Variants in BCLAF3 observed in about 807,000 individuals in gnomAD.
BCLAF3 encodes BCLAF1 and THRAP3 family member 3.
BCLAF3 carries 24 observed loss-of-function variants against 51.2 expected under a neutral mutation model. The observed-to-expected ratio is 0.47, with a 90% CI of 0.34 to 0.66. The LOEUF (loss-of-function observed/expected upper bound fraction) is 0.66. Ranked by LOEUF, BCLAF3 falls within the 30% of genes least tolerant of loss-of-function variation. BCLAF3 has a pLI of 0.01. For missense variants in BCLAF3, 465 were observed against 525.1 expected (o/e 0.89, Z 1.12); for synonymous variants, 152 against 176.6 (o/e 0.86, Z 1.10).
intron 8 of BCLAF3, among the ~76,000 whole-genome samples, chrX:19,940,989 A>T (rs1456117734): frequency 9.1e-6 from 1 of 110,354 alleles, no homozygotes; most frequent in Non-Finnish European, 1.9e-5. Context: ...GATATCTCAT[A>T]GTGGTTTTGA....
At chrX:19,962,317 G>A (rs1000578034) in intron 4 of BCLAF3, among the ~76,000 whole-genome samples, 3 of 111,019 alleles carry the variant, frequency 2.7e-5, no homozygotes, top group Non-Finnish European at 5.7e-5. Flanking sequence ...AAGTAGCTGG[G>A]ACTATAGGCA....
At chrX:19,990,126 T>G (rs2072899653) in intron 1 of BCLAF3, among the ~76,000 whole-genome samples, 1 of 104,440 alleles carries the variant, frequency 9.6e-6, no homozygotes, top group Non-Finnish European at 2.0e-5. Context: ...TACCTGCAGT[T>G]TGTAATTTGT....
At chrX:19,979,311 T>C (rs772837059) in intron 1 of BCLAF3, among the ~76,000 whole-genome samples, 35 of 110,662 alleles carry the variant, frequency 3.2e-4, no homozygotes, top group African/African-American at 1.0e-3. Context: ...AACCAACCCC[T>C]GATCAGTCAC....
At chrX:19,918,359 C>G (rs927208319) in intron 11 of BCLAF3, among the ~76,000 whole-genome samples, 3 of 110,261 alleles carry the variant, frequency 2.7e-5, no homozygotes, top group Non-Finnish European at 5.7e-5. Context: ...TACCTACTTA[C>G]AACTTTAAAA....
intron 8 of BCLAF3, among the ~76,000 whole-genome samples, chrX:19,940,236 T>C (rs757611058): frequency 9.1e-6 from 1 of 110,224 alleles, no homozygotes; most frequent in Non-Finnish European, 1.9e-5. Context: ...AGTTATCATG[T>C]GTAAATTTCA....
chrX:19,936,077 C>G (rs1343107407), intron 9 of BCLAF3, among the ~76,000 whole-genome samples, 179 bp from the exon 10 acceptor site: 1 of 111,868 alleles, frequency 8.9e-6, no homozygotes, highest in African/African-American at 3.2e-5. Context: ...ACTTGACCCT[C>G]GACTTTGACT....
intron 8 of BCLAF3, among the ~76,000 whole-genome samples, chrX:19,949,037 T>C (rs1318841092): frequency 9.0e-6 from 1 of 111,386 alleles, no homozygotes; most frequent in Non-Finnish European, 1.9e-5. Flanking sequence ...AAGTAATGTC[T>C]CATTTTTAAA....
chrX:19,935,219 T>C (rs762219639), intron 10 of BCLAF3: 1 of 111,064 alleles, frequency 9.0e-6, no homozygotes, highest in East Asian at 2.8e-4. Flanking sequence ...TACCTTGTAC[T>C]ATAATTCTTA....
chrX:19,923,843 TTA>T (rs202182391), intron 11 of BCLAF3, among the ~76,000 whole-genome samples: 966 of 86,931 alleles, frequency 0.011, 13 homozygotes, highest in African/African-American at 0.086. Flanking sequence ...ATTTATTTAT[TTA>T]TTTTTTTTTT....
chrX:19,950,685 A>G (rs2071448804), intron 8 of BCLAF3, 68 bp downstream of exon 8: 2 of 785,493 alleles, frequency 2.5e-6, no homozygotes, highest in African/African-American at 4.1e-5. Flanking sequence ...ATCATCACAC[A>G]AAAAATGTAA....
chrX:19,952,239 A>T (rs1378362221), intron 7 of BCLAF3, among the ~76,000 whole-genome samples: 2 of 111,939 alleles, frequency 1.8e-5, no homozygotes. Context: ...TATCTCCATA[A>T]GTTCAGCAAA....
chrX:19,950,693 T>A, intron 8 of BCLAF3, 60 bp downstream of exon 8: 5 of 858,057 alleles, frequency 5.8e-6, no homozygotes, highest in Non-Finnish European at 8.3e-6. Context: ...ACAAAAAATG[T>A]AAAAATATGG....
At chrX:19,966,706 T>C (rs2147964147) in intron 2 of BCLAF3, 57 bp from the exon 3 acceptor site, 1 of 1,020,477 alleles carries the variant, frequency 9.8e-7, no homozygotes, top group Non-Finnish European at 1.3e-6. Flanking sequence ...CGTGTCTCAA[T>C]ATGACCTACC....
chrX:19,930,019 G>T (rs2070488546), intron 10 of BCLAF3, 79 bp from the exon 11 acceptor site: 2 of 1,015,041 alleles, frequency 2.0e-6, no homozygotes, highest in Non-Finnish European at 2.7e-6. Context: ...ATGAGTGGGT[G>T]GTTGGGTGCA....
At chrX:19,971,094 ATTTCT>A (rs992521099) in intron 1 of BCLAF3, among the ~76,000 whole-genome samples, 2 of 111,967 alleles carry the variant, frequency 1.8e-5, no homozygotes, top group South Asian at 3.7e-4. Context: ...TTCTTTTAAA[ATTTCT>A]TTTCTTTTGA....
chrX:19,970,500 C>A (rs1603336654), intron 1 of BCLAF3, among the ~76,000 whole-genome samples: 1 of 111,632 alleles, frequency 9.0e-6, no homozygotes, highest in East Asian at 2.8e-4. Flanking sequence ...AAACTGTCTG[C>A]AAAGTGCCAA....
chrX:19,921,291 A>G (rs1036807669), intron 11 of BCLAF3, among the ~76,000 whole-genome samples: 1 of 112,139 alleles, frequency 8.9e-6, no homozygotes, highest in Non-Finnish European at 1.9e-5. Context: ...GAAGACTCCA[A>G]AGCTTCCAAA....
At chrX:19,952,323 A>G (rs1292246976) in intron 7 of BCLAF3, among the ~76,000 whole-genome samples, 1 of 111,169 alleles carries the variant, frequency 9.0e-6, no homozygotes, top group African/African-American at 3.3e-5. Context: ...TCTCCTCTAC[A>G]AAGACTCTTT....
chrX:19,931,532 T>C (rs1440961205), intron 10 of BCLAF3, among the ~76,000 whole-genome samples: 1 of 111,628 alleles, frequency 9.0e-6, no homozygotes, highest in South Asian at 3.7e-4. Flanking sequence ...AATTCTCCTA[T>C]AGAAAATAAA....
Sources: allele counts gnomAD v4.1 joint callset (sites outside exome capture counted in the v4.1 genomes callset), GRCh38; gene constraint gnomAD v4.1.1; transcripts MANE v1.5; gene names NCBI Gene and HGNC (gene_info 2026-07-23, HGNC 2026-07-21).